CDH4: variants seen among roughly 807,000 people sequenced by gnomAD.
The protein encoded by CDH4 is cadherin-4.
CDH4 carries 33 observed loss-of-function variants against 86.0 expected under a neutral mutation model. The observed-to-expected ratio is 0.38, with a 90% CI of 0.29 to 0.51. The LOEUF is 0.51. Ranked by LOEUF, CDH4 falls within the 20% of genes least tolerant of loss-of-function variation. CDH4 has a pLI of 0.86. For synonymous variants in CDH4, 555 were observed against 549.4 expected, an observed-to-expected ratio of 1.01 and a Z score of -0.14; for missense variants, 1,114 against 1,307.4, an observed-to-expected ratio of 0.85 and a Z score of 2.28.
At chr20:61,312,128 GGT>G (rs2084449220) in intron 2 of CDH4, among the ~76,000 whole-genome samples, 1 of 9,774 alleles carries the variant, frequency 1.0e-4, no homozygotes, top group Non-Finnish European at 8.6e-4. Context: ...GCATGTGGGT[GGT>G]GTGTGTGTGG....
intron 2 of CDH4, among the ~76,000 whole-genome samples, chr20:61,514,776 A>C (rs549439594): frequency 6.6e-6 from 1 of 152,372 alleles, no homozygotes; most frequent in East Asian, 1.9e-4. Flanking sequence ...CTCAAAACAC[A>C]GATTGAATGT....
intron 4 of CDH4, among the ~76,000 whole-genome samples, chr20:61,826,737 C>T (rs1405561805): frequency 6.6e-6 from 1 of 152,106 alleles, no homozygotes; most frequent in East Asian, 1.9e-4. Context: ...CTTCGAGACC[C>T]GTTGATGGCC....
At chr20:61,353,283 GGT>G (rs960187905) in intron 2 of CDH4, among the ~76,000 whole-genome samples, 589 of 58,632 alleles carry the variant, frequency 0.01, 1 homozygote, top group Middle Eastern at 0.029. Flanking sequence ...GAGGTGCCAG[GGT>G]CTCTGGAACC....
intron 4 of CDH4, among the ~76,000 whole-genome samples, chr20:61,778,268 C>T (rs1035202276): frequency 1.3e-5 from 2 of 152,144 alleles, no homozygotes; most frequent in Non-Finnish European, 2.9e-5. Flanking sequence ...TGATGCGGGG[C>T]GGCAAGCTGA....
At position 61,254,523 on chromosome 20, in the gene CDH4, C is replaced by G. The variant is rs75967249; in HGVS notation, c.58-303C>G. 7.2e-3 allele frequency among the ~76,000 whole-genome samples: 1,099 copies of G among 152,326 alleles called. 7 individuals are homozygous for G. Among genetic ancestry groups the G allele is most frequent in the African/African-American group, 0.025 (1,037 of 41,574 alleles). The stretch of plus-strand genomic sequence containing the variant: ...CTGTCTCTGCCTTTTGGTCATTTCT[C>G]AGGCGTCTCCTCTGCCAATAAGGCC... On this transcript the variant is annotated intron_variant, in intron 1 of 15. Transcript: ENST00000614565.
intron 6 of CDH4, among the ~76,000 whole-genome samples, chr20:61,867,974 A>G (rs1983622987): frequency 6.6e-6 from 1 of 152,208 alleles, no homozygotes; most frequent in Non-Finnish European, 1.5e-5. Flanking sequence ...ACTCCACCAC[A>G]TGGAAATGGG....
At chr20:61,283,559 G>A (rs1212068799) in intron 2 of CDH4, among the ~76,000 whole-genome samples, 1 of 142,094 alleles carries the variant, frequency 7.0e-6, no homozygotes, top group Non-Finnish European at 1.6e-5. Flanking sequence ...TGTGGTGTGT[G>A]ATGTAGGTGC....
intron 4 of CDH4, among the ~76,000 whole-genome samples, chr20:61,813,660 G>A (rs562609100): frequency 3.4e-4 from 52 of 152,294 alleles, no homozygotes; most frequent in Admixed American, 7.8e-4. Context: ...TCTGGCTGTC[G>A]GAAGGGCAAG....
intron 6 of CDH4, among the ~76,000 whole-genome samples, chr20:61,867,478 A>G (rs1367540512): frequency 6.6e-6 from 1 of 151,012 alleles, no homozygotes; most frequent in East Asian, 2.0e-4. Flanking sequence ...TGAACCCAGG[A>G]GGTGAAGGCT....
rs565847188 is a variant in CDH4, at chr20:61,853,867, G to C, written c.877+969G>C. ...CCTCTTTGGGACAAACCTTTGCCCG[G>C]CTTGGGTTGGGTCGGGGGAGGTGAG... On this transcript the variant is annotated intron_variant, in intron 6 of 15. Coordinates refer to ENST00000614565, the MANE Select transcript of CDH4 (RefSeq NM_001794.5). Among the ~76,000 whole-genome samples the C allele has an allele frequency of 2.4e-4, 37 of 152,302 alleles. 1 individual carries two copies. In the East Asian group the frequency reaches 6.8e-3, roughly 28 times the overall value.
chr20:61,332,996 C>T (rs1056650977), intron 2 of CDH4, among the ~76,000 whole-genome samples: 11 of 152,214 alleles, frequency 7.2e-5, no homozygotes, highest in Non-Finnish European at 1.2e-4. Context: ...TCTTCCCCAC[C>T]GCTGGGCAAA....
chr20:61,320,110 A>G (rs1159697969), intron 2 of CDH4, among the ~76,000 whole-genome samples: 1 of 152,144 alleles, frequency 6.6e-6, no homozygotes, highest in Non-Finnish European at 1.5e-5. Context: ...TTTTTGCAGC[A>G]TCTCCCAGGT....
chr20:61,651,669 G>A (rs182231395), intron 2 of CDH4, among the ~76,000 whole-genome samples: 3 of 152,302 alleles, frequency 2.0e-5, no homozygotes, highest in Admixed American at 2.0e-4. Flanking sequence ...CATTGCTGCA[G>A]GGGACTTGCA....
At chr20:61,830,082 A>G (rs773397898) in intron 4 of CDH4, among the ~76,000 whole-genome samples, 136 of 94,522 alleles carry the variant, frequency 1.4e-3, no homozygotes, top group South Asian at 2.1e-3. Context: ...CTGCCCCCCA[A>G]CCCCACTCCC....
chr20:61,355,521 G>A (rs937681888), intron 2 of CDH4, among the ~76,000 whole-genome samples: 2 of 152,194 alleles, frequency 1.3e-5, no homozygotes, highest in African/African-American at 4.8e-5. Context: ...GAAAACCAAA[G>A]TCCATCCCAA....
At position 61,619,894 on chromosome 20, in the gene CDH4, G is replaced by A. The variant is rs188517400; in HGVS notation, c.170-123669G>A. ...GATGATGGCAGCGCTGGGGCCTGAC[G>A]GCCGAGCATCAGCGCCAGGCACATC... On this transcript the variant is annotated intron_variant, in intron 2 of 15. Transcript: ENST00000614565. Among the ~76,000 whole-genome samples the A allele has an allele frequency of 3.3e-3, 501 of 152,344 alleles. 5 individuals carry two copies. The highest frequency in any genetic ancestry group is 0.011 in the African/African-American group (448 of 41,586).
At chr20:61,618,646 G>A (rs536222218) in intron 2 of CDH4, among the ~76,000 whole-genome samples, 5 of 152,332 alleles carry the variant, frequency 3.3e-5, no homozygotes, top group African/African-American at 9.6e-5. Flanking sequence ...GCAATTCAGC[G>A]GTGCTGGGCA....
chr20:61,721,778 A>G (rs2088045130), intron 2 of CDH4, among the ~76,000 whole-genome samples: 1 of 152,136 alleles, frequency 6.6e-6, no homozygotes. Flanking sequence ...AACTGACTTC[A>G]TTACCAGCTT....
At chr20:61,614,838 C>T (rs982365566) in intron 2 of CDH4, among the ~76,000 whole-genome samples, 1 of 152,180 alleles carries the variant, frequency 6.6e-6, no homozygotes, top group Non-Finnish European at 1.5e-5. Flanking sequence ...GGGTCACCTG[C>T]TCAGACCCAG....
Sources: gnomAD v4.1 joint callset for allele counts (sites outside exome capture counted in the v4.1 genomes callset) on GRCh38, gnomAD v4.1.1 for gene constraint, MANE v1.5 for transcripts, NCBI Gene and HGNC (gene_info 2026-07-23, HGNC 2026-07-21) for gene names.